Variants in ATP11A observed in about 807,000 individuals in gnomAD.
ATP11A encodes the protein phospholipid-transporting ATPase IH.
In ATP11A, 81 loss-of-function variants were observed where a neutral mutation model predicts 154.4. The ratio of observed to expected loss-of-function variants is 0.52; its 90% CI spans 0.44 to 0.63. The LOEUF (loss-of-function observed/expected upper bound fraction) is 0.63. Ranked by LOEUF, ATP11A falls within the 30% of genes least tolerant of loss-of-function variation. ATP11A has a pLI of 0.00. For synonymous variants in ATP11A, 623 were observed against 585.9 expected (o/e 1.06, Z -0.91); for missense variants, 1,316 against 1,474.3 (o/e 0.89, Z 1.76).
chr13:112,712,083 G>A (rs761782336), intron 1 of ATP11A, among the ~76,000 whole-genome samples: 54 of 152,202 alleles, frequency 3.5e-4, no homozygotes, highest in Non-Finnish European at 6.6e-4. Flanking sequence ...AAACAAAGCA[G>A]AAGCTGCCAG....
chr13:112,795,013 G>A (rs2077961759), intron 2 of ATP11A, among the ~76,000 whole-genome samples: 1 of 152,208 alleles, frequency 6.6e-6, no homozygotes, highest in Non-Finnish European at 1.5e-5. Flanking sequence ...GGAGGCTGAG[G>A]CAGGTGGATC....
chr13:112,826,520 A>G (rs142760627), intron 11 of ATP11A, among the ~76,000 whole-genome samples, 174 bp from the exon 12 acceptor site: 7 of 151,980 alleles, frequency 4.6e-5, no homozygotes, highest in African/African-American at 1.7e-4. Flanking sequence ...CTCAGAGACC[A>G]GGTGACCCAG....
At chr13:112,856,446 C>T (rs1298115518) in intron 20 of ATP11A, 9 of 166,668 alleles carry the variant, frequency 5.4e-5, no homozygotes, top group African/African-American at 2.1e-4. Context: ...GTGTGTGCCT[C>T]CTACAGATAC....
intron 1 of ATP11A, among the ~76,000 whole-genome samples, chr13:112,774,898 C>G (rs1162339381): frequency 3.3e-5 from 5 of 151,982 alleles, no homozygotes; most frequent in Non-Finnish European, 7.4e-5. Context: ...GCGTGCGAGG[C>G]TGTGTGTCTG....
At chr13:112,865,301 C>G (rs1283525267) in intron 25 of ATP11A, among the ~76,000 whole-genome samples, 9 of 135,876 alleles carry the variant, frequency 6.6e-5, no homozygotes, top group East Asian at 2.2e-4. Flanking sequence ...TCACCACCTG[C>G]GCAGTAATTC....
chr13:112,748,174 T>C (rs1892393777), intron 1 of ATP11A, among the ~76,000 whole-genome samples: 1 of 152,220 alleles, frequency 6.6e-6, no homozygotes, highest in Non-Finnish European at 1.5e-5. Context: ...CATATGCAAA[T>C]GTCCCAAAAT....
intron 4 of ATP11A, among the ~76,000 whole-genome samples, chr13:112,810,038 G>A (rs2078445262): frequency 1.3e-5 from 2 of 152,194 alleles, no homozygotes; most frequent in African/African-American, 2.4e-5. Context: ...ACTCAGATGC[G>A]GAAACGCACA....
intron 1 of ATP11A, among the ~76,000 whole-genome samples, chr13:112,741,759 C>T (rs930913519): frequency 2.0e-5 from 3 of 152,158 alleles, no homozygotes; most frequent in Non-Finnish European, 2.9e-5. Flanking sequence ...GCACTGTTTT[C>T]CATCTGCCTC....
At chr13:112,860,610 CT>C (rs1171298049) in intron 24 of ATP11A, 196 bp downstream of exon 24, 12 of 613,042 alleles carry the variant, frequency 2.0e-5, no homozygotes, top group Non-Finnish European at 3.3e-5. Flanking sequence ...TCAAGTCTTG[CT>C]GGATGGTTTA....
Position 112,875,869 on chromosome 13 carries a change from C to T in ATP11A, c.3255C>T (p.Ile1085=). Reference sequence around the variant, plus strand: ...TGGCCATCGTGCTGCTGGTGACCATCAGCCTCCTTCCCGACGTCCTCAAGA... The same window carrying T: ...TGGCCATCGTGCTGCTGGTGACCATTAGCCTCCTTCCCGACGTCCTCAAGA... ...AWLAIVLLVT[I]SLLPDVLKKV... is the part of the protein sequence containing the mutation. Residue 1085 remains isoleucine, a synonymous_variant, in exon 28 of 30, where the codon ATC becomes ATT. Transcript: ENST00000375645. This position sits in a 1 kb window ranked among gnomAD's most constrained non-coding sequence, Gnocchi z 4.1. 1 of 1,613,958 alleles carries T rather than the reference C, an allele frequency of 6.2e-7. No individual in the cohort carries two copies. The highest frequency in any genetic ancestry group is 2.2e-5 in the East Asian group (1 of 44,878).
At chr13:112,828,040 A>G (rs2078977355) in intron 12 of ATP11A, among the ~76,000 whole-genome samples, 1 of 152,158 alleles carries the variant, frequency 6.6e-6, no homozygotes, top group African/African-American at 2.4e-5. Context: ...TCTTTGGGAA[A>G]GAACTTTTTT....
At position 112,882,206 on chromosome 13, in the gene ATP11A, T is replaced by G; in HGVS notation, c.*340T>G. 1 of 1,109,872 alleles carries G rather than the reference T, an allele frequency of 9.0e-7. No individual in the cohort carries two copies. Among genetic ancestry groups the G allele is most frequent in the Non-Finnish European group, 1.2e-6 (1 of 833,920 alleles). The allele number at this position is 1,109,872 out of a possible 1,614,324, so 68.8% of individuals were successfully genotyped here. On this transcript the variant is annotated 3_prime_UTR_variant, in exon 30 of 30. Coordinates refer to ENST00000375645, the MANE Select transcript of ATP11A (RefSeq NM_015205.3). This position sits in a 1 kb window ranked among gnomAD's most constrained non-coding sequence, Gnocchi z 5.1. ...CACTGTGGTTGTTGAGCCACACCAG[T>G]GGCCTCTGGGCATTCGGCTCAACGC... is the stretch of plus-strand genomic sequence containing the variant.
intron 1 of ATP11A, among the ~76,000 whole-genome samples, chr13:112,769,951 A>C (rs901110850): frequency 1.3e-5 from 2 of 152,188 alleles, no homozygotes; most frequent in African/African-American, 4.8e-5. Flanking sequence ...CCTGTCGAAA[A>C]TGGAGGGTGA....
In ATP11A at chr13:112,883,450, C is replaced by A; in HGVS notation, c.*1584C>A. 2.7e-6 allele frequency: 1 copy of A among 368,970 alleles called. No homozygotes were observed. The allele number at this position is 368,970 out of a possible 1,614,324, so 22.9% of individuals were successfully genotyped here. ...GCCCTCACGCCCGCCCCGCGCCACG[C>A]TGTGGAACGGGGCTCCGGCAAGTGA... On this transcript the variant is annotated 3_prime_UTR_variant, in exon 30 of 30. Transcript: ENST00000375645.
rs184369770 is a variant in ATP11A at position 112,878,192 on chromosome 13, C to T, written c.3328-25C>T. 377 of 1,604,894 alleles carry T rather than the reference C, an allele frequency of 2.3e-4. 6 individuals carry two copies. In the East Asian group the frequency reaches 8.0e-3, roughly 34 times the overall value. ...CACCTTGTTCACACACCCCTGTGTG[C>T]GTGGCCGCTGACCTCGGGACTAAGA... On this transcript the variant is annotated intron_variant, in intron 28 of 29. Transcript: ENST00000375645.
chr13:112,816,824 A>C (rs768800246), intron 6 of ATP11A, among the ~76,000 whole-genome samples: 1 of 152,346 alleles, frequency 6.6e-6, no homozygotes, highest in Middle Eastern at 3.4e-3. Flanking sequence ...ACCTGTGTCA[A>C]TTAGCTAATG....
intron 25 of ATP11A, among the ~76,000 whole-genome samples, chr13:112,866,414 GT>G (rs1336000524): frequency 1.3e-5 from 2 of 151,894 alleles, no homozygotes; most frequent in Non-Finnish European, 2.9e-5. Flanking sequence ...AGCCAGGGAT[GT>G]TTTCCGAATT....
intron 1 of ATP11A, among the ~76,000 whole-genome samples, chr13:112,723,970 A>G (rs922292033): frequency 6.6e-6 from 1 of 152,206 alleles, no homozygotes; most frequent in African/African-American, 2.4e-5. Context: ...TAATGTACAT[A>G]CAAGCCTGTC....
At chr13:112,823,011 C>A (rs1042037627) in intron 8 of ATP11A, among the ~76,000 whole-genome samples, 5 of 152,098 alleles carry the variant, frequency 3.3e-5, no homozygotes, top group African/African-American at 1.2e-4. Context: ...ACCTCAGGGA[C>A]CCCTGCTCTA....
Sources: allele counts gnomAD v4.1 joint callset (sites outside exome capture counted in the v4.1 genomes callset), GRCh38; gene constraint gnomAD v4.1.1; non-coding constraint Gnocchi (gnomAD v3.1); transcripts MANE v1.5; gene names NCBI Gene and HGNC (gene_info 2026-07-23, HGNC 2026-07-21).